C2orf80: variants seen among roughly 807,000 people sequenced by gnomAD.
C2orf80 encodes the protein uncharacterized protein C2orf80.
In C2orf80, 28 loss-of-function variants were observed where a neutral mutation model predicts 30.2. The observed-to-expected ratio is 0.93, with a 90% confidence interval of 0.69 to 1.27. C2orf80 has a LOEUF of 1.27. Among genes scored for constraint, C2orf80 ranks in the 50% most tolerant of loss-of-function variants. The pLI, the probability that C2orf80 is intolerant of heterozygous loss-of-function variation, is 0.00. For synonymous variants in C2orf80, 80 were observed against 76.4 expected, an observed-to-expected ratio of 1.05 and a Z score of -0.24; for missense variants, 220 against 231.0, an observed-to-expected ratio of 0.95 and a Z score of 0.31.
At chr2:208,182,707 G>T (rs1452730977) in intron 4 of C2orf80, among the ~76,000 whole-genome samples, 9 of 152,172 alleles carry the variant, frequency 5.9e-5, no homozygotes, top group Admixed American at 5.9e-4. Context: ...GGCCCCTTAA[G>T]ACACAACATT....
At chr2:208,170,832 G>A in intron 8 of C2orf80, 113 bp downstream of exon 8, 3 of 808,880 alleles carry the variant, frequency 3.7e-6, no homozygotes, top group Non-Finnish European at 6.3e-6. Context: ...GTCGGCTCTA[G>A]ATTCAAACCC....
chr2:208,165,603 A>C lies in C2orf80; in HGVS notation c.*204T>G. The C allele has an allele frequency of 2.0e-6, 1 of 511,252 alleles. No homozygotes were observed. Among genetic ancestry groups the C allele is most frequent in the Non-Finnish European group, 3.3e-6 (1 of 306,258 alleles). The allele number at this position is 511,252 out of a possible 1,614,324, so 31.7% of individuals were successfully genotyped here. Reference sequence around the variant, plus strand: ...AGTCACAATGAAGTAGCATAAGGTCACAGTTTTTTTTTTTAAGAAAATGTA... The same window carrying C: ...AGTCACAATGAAGTAGCATAAGGTCCCAGTTTTTTTTTTTAAGAAAATGTA... On this transcript the variant is annotated 3_prime_UTR_variant, in exon 9 of 9. Coordinates refer to ENST00000341287, the MANE Select transcript of C2orf80 (RefSeq NM_001099334.3).
rs1212468702 is a variant in C2orf80, at chr2:208,179,834, T to C, written c.366+911A>G. Among the ~76,000 whole-genome samples the C allele has an allele frequency of 2.0e-5, 3 of 152,092 alleles. No individual in the cohort carries two copies. The East Asian group carries it at 5.8e-4, about 29-fold the overall frequency. On this transcript the variant is annotated intron_variant, in intron 6 of 8. Transcript: ENST00000341287. Reference sequence around the variant, plus strand: ...CCCAGGTCATTGCTGCTTCTACTGTTAATGATTTCAAAGTAGTTTCATGGG... The same window carrying C: ...CCCAGGTCATTGCTGCTTCTACTGTCAATGATTTCAAAGTAGTTTCATGGG...
intron 6 of C2orf80, among the ~76,000 whole-genome samples, chr2:208,180,307 C>T (rs948323002): frequency 2.0e-5 from 3 of 151,772 alleles, no homozygotes; most frequent in Admixed American, 6.6e-5. Context: ...AAAAATTAGC[C>T]GGGTGTGGTG....
At chr2:208,187,831 A>G (rs1307457657) in intron 1 of C2orf80, among the ~76,000 whole-genome samples, 2 of 151,890 alleles carry the variant, frequency 1.3e-5, no homozygotes, top group African/African-American at 4.8e-5. Context: ...TGGACTTTGA[A>G]AGCAGATTGC....
intron 8 of C2orf80, among the ~76,000 whole-genome samples, chr2:208,167,182 A>G (rs913914187): frequency 6.6e-5 from 10 of 151,950 alleles, no homozygotes; most frequent in African/African-American, 2.2e-4. Flanking sequence ...TAATGTGCCC[A>G]CTACTGACGC....
intron 6 of C2orf80, among the ~76,000 whole-genome samples, chr2:208,172,551 A>T (rs932757969): frequency 2.6e-5 from 4 of 152,180 alleles, no homozygotes; most frequent in Non-Finnish European, 5.9e-5. Flanking sequence ...CAGAGGAAGA[A>T]ATATATGAAT....
At position 208,171,083 on chromosome 2, in the gene C2orf80, C is replaced by A. The variant is rs757832069; in HGVS notation, c.455-20G>T. 9.1e-6 allele frequency: 14 copies of A among 1,535,534 alleles called. No homozygotes were observed. Among genetic ancestry groups the A allele is most frequent in the East Asian group, 2.2e-5 (1 of 44,508 alleles). ...TGACACCTACAGACAGATGCAGTAA[C>A]CATATCTGTATATAAAACTTTTTTA... On this transcript the variant is annotated intron_variant, in intron 7 of 8. Coordinates refer to ENST00000341287, the MANE Select transcript of C2orf80 (RefSeq NM_001099334.3).
chr2:208,171,923 G>T, intron 7 of C2orf80, 65 bp downstream of exon 7: 2 of 1,332,386 alleles, frequency 1.5e-6, no homozygotes, highest in Non-Finnish European at 1.1e-6. Context: ...TACCTGGTGA[G>T]CCTACTTCCT....
intron 6 of C2orf80, among the ~76,000 whole-genome samples, chr2:208,173,567 G>A (rs1696179021): frequency 6.6e-6 from 1 of 152,152 alleles, no homozygotes; most frequent in South Asian, 2.1e-4. Context: ...GGAGCTTGCC[G>A]TGAGCCGAGA....
chr2:208,187,123 G>A (rs1242248472), intron 1 of C2orf80, 62 bp from the exon 2 acceptor site: 5 of 766,502 alleles, frequency 6.5e-6, no homozygotes, highest in East Asian at 5.2e-5. Flanking sequence ...TACCAGTCAT[G>A]GAGTCCTAGG....
In C2orf80 at chr2:208,186,894, A is replaced by G. The variant is rs1696734061; in HGVS notation, c.41+52T>C. 2.6e-6 allele frequency: 4 copies of G among 1,513,682 alleles called. No homozygotes were observed. The African/African-American group carries it at 4.1e-5, about 16-fold the overall frequency. The allele number at this position is 1,513,682 out of a possible 1,614,324, so 93.8% of individuals were successfully genotyped here. A position where few individuals can be genotyped will look rare whatever the true frequency, so the allele number is the denominator to read the frequency against. ...ATACCCAAGCCATCTATGACATGAA[A>G]TCCACCGAATGCCAAGTGTCATAAA... is the stretch of plus-strand genomic sequence containing the variant. On this transcript the variant is annotated intron_variant, in intron 2 of 8. Coordinates refer to ENST00000341287, the MANE Select transcript of C2orf80 (RefSeq NM_001099334.3).
At chr2:208,165,913 T>C in intron 8 of C2orf80, 98 bp from the exon 9 acceptor site, 1 of 721,098 alleles carries the variant, frequency 1.4e-6, no homozygotes, top group Non-Finnish European at 2.4e-6. Flanking sequence ...AAATATCAGA[T>C]ACTAACTTAC....
rs143221762 is a variant in C2orf80, at chr2:208,173,855, G to C, written c.367-1780C>G. Among the ~76,000 whole-genome samples, 25 of 152,184 alleles carry C rather than the reference G, an allele frequency of 1.6e-4. No homozygotes were observed. The East Asian group carries it at 4.4e-3, about 27-fold the overall frequency. ...TGTTCCATTTTACACACTTGGATTT[G>C]TTTGTTTGCTTGGTCTTTGTCTTTT... On this transcript the variant is annotated intron_variant, in intron 6 of 8. Coordinates refer to ENST00000341287, the MANE Select transcript of C2orf80 (RefSeq NM_001099334.3).
chr2:208,170,091 T>A (rs78933523), intron 8 of C2orf80, among the ~76,000 whole-genome samples: 1 of 152,198 alleles, frequency 6.6e-6, no homozygotes, highest in Non-Finnish European at 1.5e-5. Context: ...TGTTTCCTGA[T>A]GCAAACCCAA....
chr2:208,176,194 G>C (rs1256693311), intron 6 of C2orf80, among the ~76,000 whole-genome samples: 1 of 148,446 alleles, frequency 6.7e-6, no homozygotes, highest in Non-Finnish European at 1.5e-5. Flanking sequence ...TTTTTTTTTT[G>C]AGACGGAGTC....
rs180956719 is a variant in C2orf80 at position 208,171,209 on chromosome 2, C to T, written c.455-146G>A. ...CACTCAGGCTGGAGTGCAGTGGTTC[C>T]ATCACGGCTCATTGCAGCCTCCACT... On this transcript the variant is annotated intron_variant, in intron 7 of 8. Coordinates refer to ENST00000341287, the MANE Select transcript of C2orf80 (RefSeq NM_001099334.3). 257 of 617,776 alleles carry T rather than the reference C, an allele frequency of 4.2e-4. 1 individual carries two copies. Among genetic ancestry groups the T allele is most frequent in the African/African-American group, 4.0e-3 (217 of 53,978 alleles). 38.3% of individuals were successfully genotyped at this position (617,776 alleles called of 1,614,324 possible).
chr2:208,182,053 A>C (rs1352596241), intron 4 of C2orf80, among the ~76,000 whole-genome samples: 1 of 152,222 alleles, frequency 6.6e-6, no homozygotes, highest in African/African-American at 2.4e-5. Flanking sequence ...TGGTCATTAC[A>C]GCTAAACCCT....
chr2:208,175,314 C>T (rs1696250793), intron 6 of C2orf80, among the ~76,000 whole-genome samples: 1 of 151,560 alleles, frequency 6.6e-6, no homozygotes. Flanking sequence ...ATGAGTAAGA[C>T]ATTTTATATT....
Sources: gnomAD v4.1 joint callset for allele counts (sites outside exome capture counted in the v4.1 genomes callset) on GRCh38, gnomAD v4.1.1 for gene constraint, MANE v1.5 for transcripts, NCBI Gene and HGNC (gene_info 2026-07-23, HGNC 2026-07-21) for gene names.